Variants in JPH1 observed in about 807,000 individuals in gnomAD.
JPH1 encodes junctophilin 1, also known as junctophilin-1.
In JPH1, 12 loss-of-function variants were observed where a neutral mutation model predicts 53.6. The observed-to-expected ratio is 0.22, with a 90% CI of 0.14 to 0.36. JPH1 has a LOEUF of 0.36. Ranked by LOEUF, JPH1 falls within the 10% of genes least tolerant of loss-of-function variation. The pLI is 1.00. For missense variants in JPH1, 808 were observed against 905.5 expected (o/e 0.89, Z 1.38); for synonymous variants, 375 against 363.8 (o/e 1.03, Z -0.35).
intron 2 of JPH1, among the ~76,000 whole-genome samples, chr8:74,301,359 T>C (rs1262534905): frequency 2.0e-5 from 3 of 152,226 alleles, no homozygotes; most frequent in African/African-American, 7.2e-5. Context: ...TTTCTTATCA[T>C]ATCCTCCCGA....
At chr8:74,267,899 C>A (rs1806581275) in intron 2 of JPH1, among the ~76,000 whole-genome samples, 1 of 152,084 alleles carries the variant, frequency 6.6e-6, no homozygotes, top group Admixed American at 6.5e-5. Context: ...AGAAAGGAAA[C>A]AGGAAAGAAT....
chr8:74,283,608 T>A (rs1807075447), intron 2 of JPH1, among the ~76,000 whole-genome samples: 2 of 152,216 alleles, frequency 1.3e-5, no homozygotes, highest in African/African-American at 4.8e-5. Context: ...AACTCAGAGC[T>A]TTGGCTCCAC....
chr8:74,316,005 T>C (rs1808147354), intron 1 of JPH1, among the ~76,000 whole-genome samples: 1 of 152,238 alleles, frequency 6.6e-6, no homozygotes, highest in African/African-American at 2.4e-5. Flanking sequence ...ATGAATTCTA[T>C]GTGTAAATTT....
At chr8:74,253,596 A>G (rs1297511121) in intron 3 of JPH1, among the ~76,000 whole-genome samples, 3 of 152,112 alleles carry the variant, frequency 2.0e-5, no homozygotes, top group Non-Finnish European at 4.4e-5. Context: ...AAATTAATGA[A>G]TCCAGGAGCT....
At chr8:74,291,422 A>G (rs1807322708) in intron 2 of JPH1, among the ~76,000 whole-genome samples, 1 of 152,240 alleles carries the variant, frequency 6.6e-6, no homozygotes, top group Admixed American at 6.5e-5. Context: ...GAAAACCACA[A>G]TGAGATACCA....
chr8:74,253,925 C>T (rs1243513589), intron 3 of JPH1, among the ~76,000 whole-genome samples: 2 of 152,006 alleles, frequency 1.3e-5, no homozygotes, highest in Non-Finnish European at 2.9e-5. Flanking sequence ...AAAAAAAGTC[C>T]AGGACCAGAT....
chr8:74,305,748 T>C (rs561712607), intron 2 of JPH1, among the ~76,000 whole-genome samples: 4 of 152,302 alleles, frequency 2.6e-5, no homozygotes, highest in African/African-American at 9.6e-5. Context: ...CTATACAGTC[T>C]CTTCTCCTTG....
intron 2 of JPH1, among the ~76,000 whole-genome samples, chr8:74,314,033 C>A (rs1808068882): frequency 6.6e-6 from 1 of 152,178 alleles, no homozygotes; most frequent in Non-Finnish European, 1.5e-5. Flanking sequence ...CACACATACA[C>A]CCCACTTGTC....
At position 74,235,261 on chromosome 8, in the gene JPH1, A is replaced by G. The variant is rs1048064375; in HGVS notation, c.*1790T>C. 4 of 152,636 alleles carry G rather than the reference A, an allele frequency of 2.6e-5. No individual in the cohort carries two copies. The highest frequency in any genetic ancestry group is 5.9e-5 in the Non-Finnish European group (4 of 68,044). 9.5% of individuals were successfully genotyped at this position (152,636 alleles called of 1,614,324 possible). A position where few individuals can be genotyped will look rare whatever the true frequency, so the allele number is the denominator to read the frequency against. On this transcript the variant is annotated 3_prime_UTR_variant, in exon 6 of 6. Coordinates refer to ENST00000342232, the MANE Select transcript of JPH1 (RefSeq NM_020647.4). ...GGTAAAAACGGACTTCCTAAATTTA[A>G]AAGTCAAAGCAAAATGTAAAAAATG...
rs1218604783 is a variant in JPH1 at position 74,244,132 on chromosome 8, T to G, written c.1905+397A>C. Among the ~76,000 whole-genome samples, 3 of 152,214 alleles carry G rather than the reference T, an allele frequency of 2.0e-5. No individual in the cohort carries two copies. In the East Asian group the frequency reaches 5.8e-4, roughly 29 times the overall value. On this transcript the variant is annotated intron_variant, in intron 4 of 5. Coordinates refer to ENST00000342232, the MANE Select transcript of JPH1 (RefSeq NM_020647.4). ...AACAGGAGAACTAAGAACTTGTTGG[T>G]GCCCTTTTCCTAGAGCTCTGAGAGC...
chr8:74,282,013 C>G (rs1405329381), intron 2 of JPH1, among the ~76,000 whole-genome samples: 1 of 152,202 alleles, frequency 6.6e-6, no homozygotes, highest in African/African-American at 2.4e-5. Flanking sequence ...TTCCATAGTT[C>G]CCTGTGTTGG....
At chr8:74,275,687 C>T (rs117318626) in intron 2 of JPH1, among the ~76,000 whole-genome samples, 371 of 152,290 alleles carry the variant, frequency 2.4e-3, no homozygotes, top group Middle Eastern at 0.014. Flanking sequence ...AAGAACCTGC[C>T]TTGGAAGCCC....
At chr8:74,242,442 T>C (rs1431804955) in intron 4 of JPH1, among the ~76,000 whole-genome samples, 1 of 152,238 alleles carries the variant, frequency 6.6e-6, no homozygotes, top group Non-Finnish European at 1.5e-5. Context: ...ACACAGCTGG[T>C]AAGCAACAGA....
chr8:74,317,950 A>G (rs1034649727), intron 1 of JPH1, among the ~76,000 whole-genome samples: 2 of 152,096 alleles, frequency 1.3e-5, no homozygotes, highest in African/African-American at 4.8e-5. Flanking sequence ...CAAATAGGGA[A>G]GGGGGGGACA....
chr8:74,246,198 C>T (rs1805856591), intron 3 of JPH1, among the ~76,000 whole-genome samples: 2 of 152,180 alleles, frequency 1.3e-5, no homozygotes, highest in Admixed American at 1.3e-4. Flanking sequence ...CTCTTCCTCA[C>T]AAATGGGCAG....
intron 2 of JPH1, among the ~76,000 whole-genome samples, chr8:74,265,168 G>A (rs1806496361): frequency 6.6e-6 from 1 of 152,126 alleles, no homozygotes; most frequent in African/African-American, 2.4e-5. Flanking sequence ...ATAAGCTCTT[G>A]TAATACTAAG....
At chr8:74,271,520 G>C (rs956354473) in intron 2 of JPH1, among the ~76,000 whole-genome samples, 1 of 152,196 alleles carries the variant, frequency 6.6e-6, no homozygotes, top group African/African-American at 2.4e-5. Flanking sequence ...AAAAGGATGT[G>C]CCCTCGCCTT....
At chr8:74,267,767 TG>T (rs1274381607) in intron 2 of JPH1, among the ~76,000 whole-genome samples, 9 of 152,186 alleles carry the variant, frequency 5.9e-5, no homozygotes, top group African/African-American at 1.9e-4. Flanking sequence ...ACGTTTTACT[TG>T]TATTTTAAGA....
intron 2 of JPH1, among the ~76,000 whole-genome samples, chr8:74,311,891 G>A (rs887861442): frequency 2.6e-5 from 4 of 152,142 alleles, no homozygotes; most frequent in Admixed American, 6.5e-5. Flanking sequence ...TGGTGTATAT[G>A]TGCCACATTT....
Sources: allele counts gnomAD v4.1 joint callset (sites outside exome capture counted in the v4.1 genomes callset), GRCh38; gene constraint gnomAD v4.1.1; transcripts MANE v1.5; gene names NCBI Gene and HGNC (gene_info 2026-07-23, HGNC 2026-07-21).